Variants in WWP2 observed in about 807,000 individuals in gnomAD.
WWP2 encodes the protein NEDD4-like E3 ubiquitin-protein ligase WWP2.
A neutral mutation model predicts 121.0 loss-of-function variants in WWP2; 57 were observed. That is an observed-to-expected ratio of 0.47 (90% confidence interval 0.38 to 0.59). The LOEUF is 0.59. WWP2 is among the 20% of genes least tolerant of loss of function. The pLI, the probability that WWP2 is intolerant of heterozygous loss-of-function variation, is 0.00. For synonymous variants in WWP2, 449 were observed against 441.3 expected, an observed-to-expected ratio of 1.02 and a Z score of -0.22; for missense variants, 962 against 1,158.9, an observed-to-expected ratio of 0.83 and a Z score of 2.47.
intron 13 of WWP2, 49 bp downstream of exon 13, chr16:69,930,307 C>CTGTCCT (rs755917410): frequency 6.2e-7 from 1 of 1,602,594 alleles, no homozygotes; most frequent in South Asian, 1.1e-5. Context: ...GAGGCCCAGG[C>CTGTCCT]TGTCCTTGTT....
chr16:69,939,824 T>G lies in WWP2; in HGVS notation c.2514-17T>G. The G allele has an allele frequency of 6.2e-7, 1 of 1,610,418 alleles. No individual in the cohort carries two copies. Among genetic ancestry groups the G allele is most frequent in the Non-Finnish European group, 8.5e-7 (1 of 1,178,192 alleles). On this transcript the variant is annotated splice_polypyrimidine_tract_variant and intron_variant, in intron 23 of 23. Transcript: ENST00000359154. ...GGCCTCCTAGGGCTGACTGTCGTGC[T>G]TCCCCACTCTCAATAGCTTCAACCG...
At chr16:69,878,144 C>T (rs2057767274) in intron 7 of WWP2, among the ~76,000 whole-genome samples, 2 of 152,102 alleles carry the variant, frequency 1.3e-5, no homozygotes. Flanking sequence ...GTTTGTGGCA[C>T]TGCAAAACAA....
intron 7 of WWP2, among the ~76,000 whole-genome samples, chr16:69,887,789 C>G (rs1447659646): frequency 6.6e-6 from 1 of 152,138 alleles, no homozygotes; most frequent in Non-Finnish European, 1.5e-5. Context: ...GTTAGAAAAA[C>G]TTGATAAAGT....
At chr16:69,784,121 C>T (rs1271858168) in intron 1 of WWP2, among the ~76,000 whole-genome samples, 2 of 99,668 alleles carry the variant, frequency 2.0e-5, no homozygotes, top group Admixed American at 1.5e-4. Flanking sequence ...TTTTTTGAGA[C>T]GGAGTCTTGC....
At chr16:69,862,089 G>C (rs1301548821) in intron 6 of WWP2, among the ~76,000 whole-genome samples, 1 of 152,206 alleles carries the variant, frequency 6.6e-6, no homozygotes, top group African/African-American at 2.4e-5. Context: ...TTTTGAGACA[G>C]ACTTTCGCTC....
chr16:69,925,007 T>C lies in WWP2; in HGVS notation c.1180-423T>C, dbSNP rs1427766222. 1.0e-6 allele frequency: 1 copy of C among 993,238 alleles called. No individual in the cohort carries two copies. The highest frequency in any genetic ancestry group is 1.2e-6 in the Non-Finnish European group (1 of 835,246). 61.5% of individuals were successfully genotyped at this position (993,238 alleles called of 1,614,324 possible). On this transcript the variant is annotated intron_variant, in intron 10 of 23. Transcript: ENST00000359154. The surrounding 1 kb of genome is among the most constrained non-coding windows in gnomAD (Gnocchi z 4.0). The stretch of plus-strand genomic sequence containing the variant: ...TATTTTTTCCCCTCCTGCGTGTGGT[T>C]CTTGGAGAAAGTTGGAGGTGGTGGT...
intron 4 of WWP2, among the ~76,000 whole-genome samples, chr16:69,836,739 C>A (rs994362469): frequency 6.6e-6 from 1 of 152,202 alleles, no homozygotes; most frequent in East Asian, 1.9e-4. Flanking sequence ...TTCAGCCTCC[C>A]AGGTAGTGGG....
intron 4 of WWP2, among the ~76,000 whole-genome samples, chr16:69,800,401 C>G (rs1409890846): frequency 6.6e-6 from 1 of 152,144 alleles, no homozygotes; most frequent in Non-Finnish European, 1.5e-5. Flanking sequence ...TGGATAGCCT[C>G]ACATTAGGAT....
At chr16:69,786,916 C>A in intron 1 of WWP2, 80 bp from the exon 2 acceptor site, 1 of 1,280,974 alleles carries the variant, frequency 7.8e-7, no homozygotes, top group Non-Finnish European at 1.1e-6. Flanking sequence ...TTTCTTTAAG[C>A]TTAAATATTG....
At chr16:69,812,098 C>G (rs981499341) in intron 4 of WWP2, among the ~76,000 whole-genome samples, 1 of 150,954 alleles carries the variant, frequency 6.6e-6, no homozygotes, top group African/African-American at 2.4e-5. Context: ...GGATCTGCAT[C>G]AGTTCCTTAG....
In WWP2 at chr16:69,939,027, G is replaced by A; in HGVS notation, c.2344G>A (p.Val782Met). 6.2e-7 allele frequency: 1 copy of A among 1,600,418 alleles called. No homozygotes were observed. Among genetic ancestry groups the A allele is most frequent in the African/African-American group, 1.3e-5 (1 of 74,854 alleles). Reference sequence around the variant, plus strand: ...TGTGCCTTGACTTGCGGACTTCCAGGTGGTGAAGGAGATGGACAACGAGAA... The same window carrying A: ...TGTGCCTTGACTTGCGGACTTCCAGATGGTGAAGGAGATGGACAACGAGAA... ...NSKQIQWFWQ[V>M]VKEMDNEKRI... The change falls in exon 22 of 24, where the codon GTG becomes ATG. Residue 782 changes from valine to methionine, a missense_variant and splice_region_variant. Coordinates refer to ENST00000359154, the MANE Select transcript of WWP2 (RefSeq NM_001270454.2).
chr16:69,891,299 C>T (rs553717815), intron 8 of WWP2, among the ~76,000 whole-genome samples: 1 of 152,324 alleles, frequency 6.6e-6, no homozygotes, highest in Admixed American at 6.5e-5. Flanking sequence ...GTTCCAGAGT[C>T]AGGGGACCAA....
At chr16:69,934,227 TTC>T in intron 17 of WWP2, 98 bp downstream of exon 17, 1 of 1,461,660 alleles carries the variant, frequency 6.8e-7, no homozygotes, top group Non-Finnish European at 9.4e-7. Flanking sequence ...AATCTGCTCT[TTC>T]TCTGAGACCT....
At chr16:69,798,036 C>T in intron 2 of WWP2, among the ~76,000 whole-genome samples, 1 of 152,226 alleles carries the variant, frequency 6.6e-6, no homozygotes, top group East Asian at 1.9e-4. Context: ...TGTCTTTACA[C>T]CATGCGTTTT....
At chr16:69,919,304 T>G (rs2058522741) in intron 10 of WWP2, among the ~76,000 whole-genome samples, 1 of 122,516 alleles carries the variant, frequency 8.2e-6, no homozygotes, top group South Asian at 2.7e-4. Context: ...TACCTGGGAT[T>G]ACAGGCACAC....
rs973773957 is a variant in WWP2 at position 69,888,521 on chromosome 16, G to T, written c.914+272G>T. Among the ~76,000 whole-genome samples the T allele has an allele frequency of 2.6e-5, 4 of 151,994 alleles. No homozygotes were observed. The East Asian group carries it at 7.7e-4, about 29-fold the overall frequency. On this transcript the variant is annotated intron_variant, in intron 8 of 23. Transcript: ENST00000359154. ...AAGAGTGTGGCTTTTACGGAACAAGGAGCTCATTTTGCTTTCCTGAATCAT... is the reference window on the plus strand; with the variant it reads ...AAGAGTGTGGCTTTTACGGAACAAGTAGCTCATTTTGCTTTCCTGAATCAT...
At chr16:69,921,455 T>C (rs2058560548) in intron 10 of WWP2, among the ~76,000 whole-genome samples, 1 of 152,222 alleles carries the variant, frequency 6.6e-6, no homozygotes, top group African/African-American at 2.4e-5. Flanking sequence ...AAAATGGAAA[T>C]CAAGGGAATC....
intron 8 of WWP2, among the ~76,000 whole-genome samples, chr16:69,894,739 C>T (rs1054690774): frequency 2.6e-5 from 4 of 152,170 alleles, no homozygotes; most frequent in African/African-American, 7.2e-5. Context: ...TCTCAGCGCT[C>T]AGCCCACTTT....
Position 69,857,281 on chromosome 16 carries a change from A to G in WWP2, c.576-14523A>G, listed in dbSNP as rs562854214. On this transcript the variant is annotated intron_variant, in intron 6 of 23. Coordinates refer to ENST00000359154, the MANE Select transcript of WWP2 (RefSeq NM_001270454.2). ...CAGCTAGTTTTTGTATTTTTAGTAG[A>G]GATGGGGTTTCACCTGTTGGCCAGG... 5.3e-4 allele frequency among the ~76,000 whole-genome samples: 80 copies of G among 152,134 alleles called. 2 individuals are homozygous for G. The South Asian group carries it at 0.016, about 31-fold the overall frequency.
Sources: allele counts gnomAD v4.1 joint callset (sites outside exome capture counted in the v4.1 genomes callset), GRCh38; gene constraint gnomAD v4.1.1; non-coding constraint Gnocchi (gnomAD v3.1); transcripts MANE v1.5; gene names NCBI Gene and HGNC (gene_info 2026-07-23, HGNC 2026-07-21).